Variants in DPP6 observed in about 807,000 individuals in gnomAD.
DPP6 encodes dipeptidyl peptidase like 6.
A neutral mutation model predicts 122.6 loss-of-function variants in DPP6; 69 were observed. The ratio of observed to expected loss-of-function variants is 0.56; its 90% CI spans 0.46 to 0.69. The LOEUF is 0.69. Ranked by LOEUF, DPP6 falls within the 30% of genes least tolerant of loss-of-function variation. The pLI is 0.00. For synonymous variants in DPP6, 418 were observed against 433.1 expected, an observed-to-expected ratio of 0.97 and a Z score of 0.43; for missense variants, 928 against 1,116.9, an observed-to-expected ratio of 0.83 and a Z score of 2.41.
At chr7:154,359,201 G>T (rs1002371555) in intron 1 of DPP6, among the ~76,000 whole-genome samples, 1 of 152,214 alleles carries the variant, frequency 6.6e-6, no homozygotes, top group Non-Finnish European at 1.5e-5. Context: ...CCCCCTGCGT[G>T]CTGGGTGTTT....
At chr7:154,686,106 TA>T (rs1839583121) in intron 7 of DPP6, among the ~76,000 whole-genome samples, 1 of 4,712 alleles carries the variant, frequency 2.1e-4, no homozygotes, top group South Asian at 0.1. Flanking sequence ...GCACTCAGTG[TA>T]TTACTGTCTC....
intron 1 of DPP6, among the ~76,000 whole-genome samples, chr7:154,236,933 C>T (rs766112489): frequency 5.3e-5 from 8 of 152,146 alleles, no homozygotes; most frequent in Non-Finnish European, 7.4e-5. Context: ...CAACCTCCCT[C>T]CACACAGCCC....
At chr7:154,477,287 G>A (rs1822834527) in intron 3 of DPP6, among the ~76,000 whole-genome samples, 1 of 95,988 alleles carries the variant, frequency 1.0e-5, no homozygotes, top group Admixed American at 9.3e-5. Flanking sequence ...AGCACCACAG[G>A]CTTCTCTTTC....
chr7:154,258,731 A>C (rs1180628560), intron 1 of DPP6, among the ~76,000 whole-genome samples: 1 of 152,168 alleles, frequency 6.6e-6, no homozygotes, highest in Non-Finnish European at 1.5e-5. Flanking sequence ...TGCTCTAAGA[A>C]AACGTGTATT....
chr7:154,522,445 C>T (rs1827074230), intron 3 of DPP6, among the ~76,000 whole-genome samples: 1 of 152,144 alleles, frequency 6.6e-6, no homozygotes, highest in Non-Finnish European at 1.5e-5. Context: ...ATGTTCACAT[C>T]TCACTTAGGG....
chr7:154,323,567 G>T lies in DPP6; in HGVS notation c.244-122647G>T, dbSNP rs948360446. On this transcript the variant is annotated intron_variant, in intron 1 of 25. Transcript: ENST00000377770. ...TTGCTGCTTTTGGTCCCCTAACCAT[G>T]AGGTTTTATTGACCCATTTGCCATC... is the stretch of plus-strand genomic sequence containing the variant. 5.3e-5 allele frequency among the ~76,000 whole-genome samples: 8 copies of T among 152,224 alleles called. No homozygotes were observed. The East Asian group carries it at 7.7e-4, about 15-fold the overall frequency.
At chr7:154,454,258 C>T (rs889443076) in intron 2 of DPP6, among the ~76,000 whole-genome samples, 6 of 152,202 alleles carry the variant, frequency 3.9e-5, no homozygotes, top group African/African-American at 1.2e-4. Context: ...CCATCTGCAG[C>T]GGACTGACTG....
At chr7:154,640,956 AT>A (rs971071484) in intron 6 of DPP6, among the ~76,000 whole-genome samples, 7 of 151,272 alleles carry the variant, frequency 4.6e-5, no homozygotes, top group Non-Finnish European at 8.8e-5. Flanking sequence ...TTATAGCTTG[AT>A]TTTTTTTTCT....
chr7:154,834,588 G>A (rs79105734), intron 16 of DPP6, among the ~76,000 whole-genome samples: 4,621 of 152,282 alleles, frequency 0.03, 118 homozygotes, highest in South Asian at 0.098. Flanking sequence ...TTTTAGAAAC[G>A]ACACTATTGT....
intron 16 of DPP6, among the ~76,000 whole-genome samples, chr7:154,815,327 A>G (rs998113566): frequency 6.6e-6 from 1 of 152,260 alleles, no homozygotes; most frequent in African/African-American, 2.4e-5. Context: ...TCATAATGCA[A>G]AATTCACAGT....
At position 154,480,889 on chromosome 7, in the gene DPP6, C is replaced by T. The variant is rs570259700; in HGVS notation, c.457+5852C>T. On this transcript the variant is annotated intron_variant, in intron 3 of 25. Coordinates refer to ENST00000377770, the MANE Select transcript of DPP6 (RefSeq NM_130797.4). ...ATTTGTAGAACAAGCTAAGGACCTT[C>T]AAGTCATCTTTTATTCTACTTTTTC... 9.9e-5 allele frequency among the ~76,000 whole-genome samples: 15 copies of T among 152,284 alleles called. No individual in the cohort carries two copies. The South Asian group carries it at 2.9e-3, about 29-fold the overall frequency.
chr7:154,230,498 C>T (rs1339737451), intron 1 of DPP6, among the ~76,000 whole-genome samples: 3 of 152,206 alleles, frequency 2.0e-5, no homozygotes, highest in Non-Finnish European at 4.4e-5. Flanking sequence ...AAAAGCTCCT[C>T]CCAGCTGTGA....
At chr7:154,020,463 G>T (rs997756056) in intron 1 of DPP6, among the ~76,000 whole-genome samples, 1 of 151,790 alleles carries the variant, frequency 6.6e-6, no homozygotes, top group African/African-American at 2.4e-5. Flanking sequence ...AACATTAAAA[G>T]ATTAGCCTAG....
At chr7:154,868,767 GC>G (rs1249922559) in intron 18 of DPP6, among the ~76,000 whole-genome samples, 1 of 152,202 alleles carries the variant, frequency 6.6e-6, no homozygotes. Context: ...CACCCGGCTG[GC>G]CCCGTGTCCT....
intron 7 of DPP6, among the ~76,000 whole-genome samples, chr7:154,684,514 C>T (rs1388009524): frequency 6.6e-6 from 1 of 152,150 alleles, no homozygotes; most frequent in Non-Finnish European, 1.5e-5. Context: ...AGCGTAAACT[C>T]GATTTATGAA....
intron 16 of DPP6, among the ~76,000 whole-genome samples, chr7:154,848,613 A>T (rs1447233117): frequency 5.3e-5 from 8 of 152,214 alleles, no homozygotes; most frequent in Non-Finnish European, 1.2e-4. Context: ...AATTCATGAA[A>T]TGTCTTTTCA....
chr7:154,645,086 G>C (rs1836368496), intron 6 of DPP6, among the ~76,000 whole-genome samples: 2 of 142,136 alleles, frequency 1.4e-5, no homozygotes, highest in African/African-American at 5.3e-5. Context: ...TTTTTGAGAG[G>C]AAGTATTGCT....
intron 5 of DPP6, among the ~76,000 whole-genome samples, chr7:154,597,646 G>T (rs1321829471): frequency 5.9e-5 from 9 of 151,906 alleles, no homozygotes; most frequent in Admixed American, 5.9e-4. Context: ...TACTTTGCTA[G>T]GGCTGTCGTA....
At chr7:153,911,316 G>A (rs1314940653) in intron 1 of DPP6, among the ~76,000 whole-genome samples, 1 of 152,166 alleles carries the variant, frequency 6.6e-6, no homozygotes, top group Non-Finnish European at 1.5e-5. Context: ...CCAGTATCAT[G>A]ATCCCTGCTC....
Sources: gnomAD v4.1 joint callset for allele counts (sites outside exome capture counted in the v4.1 genomes callset) on GRCh38, gnomAD v4.1.1 for gene constraint, MANE v1.5 for transcripts, NCBI Gene and HGNC (gene_info 2026-07-23, HGNC 2026-07-21) for gene names.